Variants in LRR1 observed in about 807,000 individuals in gnomAD.
LRR1 encodes the protein leucine-rich repeat protein 1.
In LRR1, 29 loss-of-function variants were observed where a neutral mutation model predicts 31.6. The ratio of observed to expected loss-of-function variants is 0.92; its 90% CI spans 0.68 to 1.25. The LOEUF is 1.25. Ranked by LOEUF, LRR1 falls within the 50% of genes most tolerant of loss-of-function variation. The pLI is 0.00. For synonymous variants in LRR1, 179 were observed against 181.4 expected, an observed-to-expected ratio of 0.99 and a Z score of 0.10; for missense variants, 485 against 487.2, an observed-to-expected ratio of 1.00 and a Z score of 0.04.
chr14:49,612,451 T>C (rs1321243272), intron 3 of LRR1: 6 of 1,210,774 alleles, frequency 5.0e-6, no homozygotes, highest in Non-Finnish European at 6.3e-6. Flanking sequence ...TTTTTAACTG[T>C]TGTCTGTTTC....
chr14:49,603,427 C>T (rs1882147370), intron 2 of LRR1: 1 of 203,670 alleles, frequency 4.9e-6, no homozygotes, highest in Non-Finnish European at 9.1e-6. Flanking sequence ...AGCTAAACCA[C>T]AGGTTACAAA....
At chr14:49,604,124 G>A (rs1488675046) in intron 2 of LRR1, among the ~76,000 whole-genome samples, 1 of 148,340 alleles carries the variant, frequency 6.7e-6, no homozygotes, top group Non-Finnish European at 1.5e-5. Context: ...GCAACATGGT[G>A]AAACCCTGTC....
chr14:49,607,964 A>G lies in LRR1; in HGVS notation c.847A>G (p.Lys283Glu). Reference protein sequence around the residue: ...NLRFLSAARNKLPFLPSEFRN... With the variant: ...NLRFLSAARNELPFLPSEFRN... ...TCGCTTTTTGTCAGCAGCTCGAAAT[A>G]AGCTTCCATTTTTGCCTAGTGAATT... Residue 283 changes from lysine (K) to glutamate (E), a missense_variant, in exon 3 of 4, where the codon AAG becomes GAG. Lys to Glu is a moderately conservative substitution (Grantham distance 56). This residue lies in a region of LRR1 where 210 missense variants were observed against 200.4 expected (regional missense o/e 1.05). Transcript: ENST00000298288. The G allele has an allele frequency of 6.2e-7, 1 of 1,614,146 alleles. No individual in the cohort carries two copies.
chr14:49,601,336 T>A (rs915051259), intron 1 of LRR1, among the ~76,000 whole-genome samples: 1 of 152,214 alleles, frequency 6.6e-6, no homozygotes, highest in Non-Finnish European at 1.5e-5. Context: ...TAAGTGTAGT[T>A]ACCCTGTCAG....
In LRR1 at chr14:49,599,343, C is replaced by G. The variant is rs189238340; in HGVS notation, c.183+140C>G. 2.4e-4 allele frequency: 226 copies of G among 946,960 alleles called. No homozygotes were observed. The African/African-American group carries it at 3.5e-3, about 15-fold the overall frequency. The allele number at this position is 946,960 out of a possible 1,614,324, so 58.7% of individuals were successfully genotyped here. ...GTTCCTGAACTCCCAGCCTTGAGAC[C>G]TACCATCAGCCCGACCCCAGGGTCC... On this transcript the variant is annotated intron_variant, in intron 1 of 3. Transcript: ENST00000298288.
At chr14:49,607,324 A>G in intron 2 of LRR1, 76 bp from the exon 3 acceptor site, 1 of 1,369,490 alleles carries the variant, frequency 7.3e-7, no homozygotes, top group East Asian at 2.4e-5. Flanking sequence ...ATGCCATAGA[A>G]TTTGTTATGG....
rs1289081846 is a variant in LRR1 at position 49,602,547 on chromosome 14, C to T, written c.282+79C>T. ...TTAGAAACAGAGTCTTGTTCTGTCA[C>T]CCAAGCTGAAGTACAGAGGCATAGT... is the stretch of plus-strand genomic sequence containing the variant. On this transcript the variant is annotated intron_variant, in intron 2 of 3. Coordinates refer to ENST00000298288, the MANE Select transcript of LRR1 (RefSeq NM_152329.4). 17 of 1,237,164 alleles carry T rather than the reference C, an allele frequency of 1.4e-5. 1 individual carries two copies. The Middle Eastern group carries it at 7.5e-4, about 55-fold the overall frequency. 76.6% of individuals were successfully genotyped at this position (1,237,164 alleles called of 1,614,324 possible).
At chr14:49,602,553 C>A in intron 2 of LRR1, 85 bp downstream of exon 2, 3 of 1,150,702 alleles carry the variant, frequency 2.6e-6, no homozygotes, top group Non-Finnish European at 3.8e-6. Flanking sequence ...GTCACCCAAG[C>A]TGAAGTACAG....
chr14:49,611,769 A>T (rs899241694), intron 3 of LRR1, among the ~76,000 whole-genome samples: 1 of 152,046 alleles, frequency 6.6e-6, no homozygotes, highest in African/African-American at 2.4e-5. Context: ...CTAAAAATAC[A>T]AAAATTAACA....
intron 3 of LRR1, among the ~76,000 whole-genome samples, chr14:49,611,204 C>T (rs559633170): frequency 3.5e-4 from 53 of 152,262 alleles, no homozygotes; most frequent in Non-Finnish European, 6.5e-4. Flanking sequence ...AGGCCAGGTG[C>T]GGTGGCTCAC....
At chr14:49,603,710 A>ATTTTTTTTTTTTTTTTTT (rs1566493069) in intron 2 of LRR1, 2 of 132,726 alleles carry the variant, frequency 1.5e-5, no homozygotes, top group Non-Finnish European at 2.0e-5. Flanking sequence ...TTTTTTTTTA[A>ATTTTTTTTTTTTTTTTTT]TGAGACAGAG....
rs1227047302 is a variant in LRR1 at position 49,607,431 on chromosome 14, C to A, written c.314C>A (p.Ser105Ter). The A allele has an allele frequency of 2.5e-6, 4 of 1,585,408 alleles. No individual in the cohort carries two copies. Among genetic ancestry groups the A allele is most frequent in the Non-Finnish European group, 3.4e-6 (4 of 1,169,168 alleles). Residue 105 changes from serine to a stop codon, truncating the protein, a stop_gained, in exon 3 of 4, where the codon TCA becomes TAA. Transcript: ENST00000298288. LOFTEE classifies it high-confidence loss of function. ...TCCAGCAGTTTAAAAGGTTTCCTTT[C>A]AGCTATGAGACTGGCTCATAGAGGC... Reference protein sequence around the residue: ...AISSSLKGFLSAMRLAHRGCN... With the variant: ...AISSSLKGFL
At chr14:49,611,744 G>GT (rs1882519342) in intron 3 of LRR1, among the ~76,000 whole-genome samples, 1 of 152,084 alleles carries the variant, frequency 6.6e-6, no homozygotes, top group South Asian at 2.1e-4. Context: ...CTAATATGGT[G>GT]AAACCCTGTC....
intron 2 of LRR1, among the ~76,000 whole-genome samples, chr14:49,606,047 T>A (rs1472041111): frequency 1.3e-5 from 2 of 150,712 alleles, no homozygotes; most frequent in Admixed American, 6.6e-5. Flanking sequence ...TTTTTTTTTT[T>A]ATATGGAGTC....
At chr14:49,605,640 G>C (rs918201036) in intron 2 of LRR1, among the ~76,000 whole-genome samples, 18 of 152,230 alleles carry the variant, frequency 1.2e-4, no homozygotes, top group African/African-American at 4.3e-4. Context: ...TTTACCTTCA[G>C]TTTTCTTAGT....
At position 49,599,181 on chromosome 14, in the gene LRR1, A is replaced by G; in HGVS notation, c.161A>G (p.Asp54Gly). 6.2e-7 allele frequency: 1 copy of G among 1,608,222 alleles called. No homozygotes were observed. The highest frequency in any genetic ancestry group is 8.5e-7 in the Non-Finnish European group (1 of 1,177,742). The change falls in exon 1 of 4, where the codon GAC becomes GGC. Residue 54 changes from aspartate (D) to glycine (G), a missense_variant. Physicochemically the swap from Asp to Gly is moderately conservative, Grantham distance 94. Around this residue, in one of 3 missense-constraint regions of LRR1, gnomAD observed 260 missense variants for 249.6 expected, o/e 1.04. Coordinates refer to ENST00000298288, the MANE Select transcript of LRR1 (RefSeq NM_152329.4). ...TTCCTGCTCATCTCCACCCTGAAGG[A>G]CAAGCGCGGGACCCGCTATGAGGTG... Reference protein sequence around the residue: ...RAFLLISTLKDKRGTRYELRE... With the variant: ...RAFLLISTLKGKRGTRYELRE...
intron 3 of LRR1, among the ~76,000 whole-genome samples, chr14:49,610,315 TGGAGTGCAGTGC>T (rs1882465925): frequency 2.4e-5 from 2 of 83,830 alleles, no homozygotes; most frequent in African/African-American, 9.3e-5. Flanking sequence ...CGCAAGCGGC[TGGAGTGCAGTGC>T]GCAAGCTGGA....
At chr14:49,599,305 G>A in intron 1 of LRR1, 102 bp downstream of exon 1, 2 of 1,340,904 alleles carry the variant, frequency 1.5e-6, no homozygotes, top group Non-Finnish European at 2.0e-6. Context: ...CTAGGCGAAA[G>A]CCCGCCTTGG....
intron 2 of LRR1, chr14:49,603,688 TTTTTTTTTTTTTTTTTTTTTAA>T: frequency 1.2e-6 from 1 of 834,314 alleles, no homozygotes; most frequent in Non-Finnish European, 1.4e-6. Flanking sequence ...TTCCTTTTTT[TTTTTTTTTTTTTTTTTTTTTAA>T]TGAGACAGAG....
Sources: gnomAD v4.1 joint callset for allele counts (sites outside exome capture counted in the v4.1 genomes callset) on GRCh38, gnomAD v4.1.1 for gene constraint, gnomAD v4.1.1 regional missense constraint, MANE v1.5 for transcripts, NCBI Gene and HGNC (gene_info 2026-07-23, HGNC 2026-07-21) for gene names.